Variants in DGKB observed in about 807,000 individuals in gnomAD.
DGKB encodes 90 kDa diacylglycerol kinase.
In DGKB, 67 loss-of-function variants were observed where a neutral mutation model predicts 114.3. That is an observed-to-expected ratio of 0.59 (90% CI 0.48 to 0.72). The LOEUF (loss-of-function observed/expected upper bound fraction) is 0.72, where lower values mean the gene tolerates loss of function less well. Among genes scored for constraint, DGKB ranks in the 30% least tolerant of loss-of-function variants. The probability of loss-of-function intolerance (pLI) is 0.00; values close to 1 mark genes in which losing one functional copy is unlikely to be tolerated. For synonymous variants in DGKB, 398 were observed against 323.1 expected (o/e 1.23, Z -2.49); for missense variants, 907 against 975.2 (o/e 0.93, Z 0.93).
At chr7:14,752,107 C>T (rs752498594) in intron 4 of DGKB, among the ~76,000 whole-genome samples, 1 of 152,092 alleles carries the variant, frequency 6.6e-6, no homozygotes, top group African/African-American at 2.4e-5. Context: ...GAATTCGGTT[C>T]AGTCAGACTC....
chr7:14,753,696 C>G (rs1241851973), intron 4 of DGKB, among the ~76,000 whole-genome samples: 1 of 151,960 alleles, frequency 6.6e-6, no homozygotes, highest in Non-Finnish European at 1.5e-5. Context: ...ACTTGAGACC[C>G]TTTTTGTCTA....
At chr7:14,895,318 C>G (rs1781926716) in intron 1 of DGKB, among the ~76,000 whole-genome samples, 1 of 151,408 alleles carries the variant, frequency 6.6e-6, no homozygotes, top group South Asian at 2.1e-4. Flanking sequence ...GGTGTATAAG[C>G]CTCTTCTACT....
In DGKB at chr7:14,840,741, CACA is replaced by C. The variant is rs1562683859; in HGVS notation, c.70+450_70+452del. ...ACACACACACACACACACACACACA[CACA>C]CCTCTCCCTTTTCCCTCCCTCTTGA... On this transcript the variant is annotated intron_variant, in intron 2 of 25. Transcript: ENST00000402815. 7.9e-3 allele frequency among the ~76,000 whole-genome samples: 1,045 copies of C among 131,634 alleles called. 3 individuals carry two copies. The highest frequency in any genetic ancestry group is 0.025 in the Middle Eastern group (6 of 242). 86.4% of individuals were successfully genotyped at this position (131,634 alleles called of 152,430 possible). A position where few individuals can be genotyped will look rare whatever the true frequency, so the allele number is the denominator to read the frequency against.
At chr7:14,527,035 T>C (rs943804855) in intron 20 of DGKB, among the ~76,000 whole-genome samples, 3 of 152,178 alleles carry the variant, frequency 2.0e-5, no homozygotes, top group Admixed American at 1.3e-4. Flanking sequence ...GCATTTATAT[T>C]CAATGGTGGT....
chr7:14,677,410 G>A (rs1269959566), intron 12 of DGKB, among the ~76,000 whole-genome samples: 2 of 151,936 alleles, frequency 1.3e-5, no homozygotes, highest in African/African-American at 4.8e-5. Flanking sequence ...TTGCAGTTTG[G>A]GGTACTTCCT....
chr7:14,330,202 T>A (rs1003335207), intron 23 of DGKB, among the ~76,000 whole-genome samples: 1 of 152,012 alleles, frequency 6.6e-6, no homozygotes, highest in Admixed American at 6.6e-5. Context: ...GAGCCTTAAT[T>A]AAAAATCCTG....
intron 1 of DGKB, among the ~76,000 whole-genome samples, chr7:14,857,875 A>G (rs1450922188): frequency 6.6e-6 from 1 of 152,148 alleles, no homozygotes; most frequent in Non-Finnish European, 1.5e-5. Flanking sequence ...CACTTTTTTC[A>G]TACCACATTC....
At chr7:14,683,880 CTAA>C (rs1210710420) in intron 10 of DGKB, among the ~76,000 whole-genome samples, 1 of 152,022 alleles carries the variant, frequency 6.6e-6, no homozygotes, top group African/African-American at 2.4e-5. Flanking sequence ...ATTCACCACA[CTAA>C]TCAGTAAAAA....
At chr7:14,836,564 C>T (rs568902140) in intron 2 of DGKB, among the ~76,000 whole-genome samples, 18 of 152,198 alleles carry the variant, frequency 1.2e-4, no homozygotes, top group African/African-American at 3.4e-4. Flanking sequence ...CAGAAAGCAC[C>T]GACAGACCAA....
intron 20 of DGKB, among the ~76,000 whole-genome samples, chr7:14,560,624 T>C (rs1387639582): frequency 6.6e-6 from 1 of 152,234 alleles, no homozygotes; most frequent in Non-Finnish European, 1.5e-5. Context: ...AGCAGTTATA[T>C]TGCTTCTATA....
chr7:14,431,349 C>G (rs1008824869), intron 21 of DGKB, among the ~76,000 whole-genome samples: 3 of 152,098 alleles, frequency 2.0e-5, no homozygotes, highest in Admixed American at 2.0e-4. Context: ...AATATTAAAA[C>G]TTGTAATATT....
chr7:14,358,744 A>C (rs987715466), intron 21 of DGKB, among the ~76,000 whole-genome samples: 3 of 152,174 alleles, frequency 2.0e-5, no homozygotes, highest in Non-Finnish European at 4.4e-5. Context: ...CCAACTTACA[A>C]GGGATGGGAA....
At chr7:14,332,105 G>GT (rs890325647) in intron 23 of DGKB, among the ~76,000 whole-genome samples, 106 of 151,984 alleles carry the variant, frequency 7.0e-4, no homozygotes, top group African/African-American at 2.5e-3. Context: ...TTTGTTTTTT[G>GT]TTTTTTTGGC....
intron 1 of DGKB, among the ~76,000 whole-genome samples, chr7:14,913,264 T>C (rs965506447): frequency 1.3e-5 from 2 of 151,982 alleles, no homozygotes; most frequent in African/African-American, 4.8e-5. Flanking sequence ...TCTTCTCCTC[T>C]GGAAAATATA....
At chr7:14,657,666 G>C (rs1816136415) in intron 13 of DGKB, among the ~76,000 whole-genome samples, 1 of 151,808 alleles carries the variant, frequency 6.6e-6, no homozygotes. Flanking sequence ...GCTCAGTGCA[G>C]CAAGACACAT....
At chr7:14,675,674 A>G (rs1478902087) in intron 12 of DGKB, among the ~76,000 whole-genome samples, 1 of 151,858 alleles carries the variant, frequency 6.6e-6, no homozygotes, top group Non-Finnish European at 1.5e-5. Context: ...AGGCGGTCGT[A>G]AGGCACTCCC....
intron 17 of DGKB, among the ~76,000 whole-genome samples, chr7:14,602,828 C>T (rs547589730): frequency 6.6e-6 from 1 of 152,262 alleles, no homozygotes; most frequent in Admixed American, 6.5e-5. Context: ...AAATACGAAA[C>T]GGTCATTTCA....
chr7:14,376,788 G>A (rs766350646), intron 21 of DGKB, among the ~76,000 whole-genome samples: 4 of 152,094 alleles, frequency 2.6e-5, no homozygotes, highest in Non-Finnish European at 4.4e-5. Flanking sequence ...GATGAATAAG[G>A]GTGCCTAGAT....
intron 20 of DGKB, among the ~76,000 whole-genome samples, chr7:14,536,855 A>G (rs1289342638): frequency 6.6e-6 from 1 of 151,480 alleles, no homozygotes; most frequent in African/African-American, 2.4e-5. Context: ...AAACAACAAC[A>G]AGGCATCCAA....
Sources: allele counts gnomAD v4.1 joint callset (sites outside exome capture counted in the v4.1 genomes callset), GRCh38; gene constraint gnomAD v4.1.1; transcripts MANE v1.5; gene names NCBI Gene and HGNC (gene_info 2026-07-23, HGNC 2026-07-21).